PCDH15: variants seen among roughly 807,000 people sequenced by gnomAD.
PCDH15 encodes the protein protocadherin related 15.
In PCDH15, 129 loss-of-function variants were observed where a neutral mutation model predicts 178.5. The ratio of observed to expected loss-of-function variants is 0.72; its 90% CI spans 0.63 to 0.84. The LOEUF is 0.84. Ranked by LOEUF, PCDH15 falls within the 40% of genes least tolerant of loss-of-function variation. The pLI, the probability that PCDH15 is intolerant of heterozygous loss-of-function variation, is 0.00. For synonymous variants in PCDH15, 800 were observed against 732.0 expected (o/e 1.09, Z -1.50); for missense variants, 2,230 against 2,099.9 (o/e 1.06, Z -1.21).
At chr10:55,031,433 C>T (rs1210845186) in intron 2 of PCDH15, among the ~76,000 whole-genome samples, 1 of 152,062 alleles carries the variant, frequency 6.6e-6, no homozygotes, top group South Asian at 2.1e-4. Flanking sequence ...TAAAAGGAAG[C>T]AGGGTAGGCT....
intron 2 of PCDH15, among the ~76,000 whole-genome samples, chr10:55,441,301 T>C (rs956269449): frequency 2.6e-5 from 4 of 152,202 alleles, no homozygotes; most frequent in Non-Finnish European, 5.9e-5. Flanking sequence ...TCCAAACTTG[T>C]CTTTGTTCTT....
chr10:55,488,398 A>T (rs983561690), intron 2 of PCDH15, among the ~76,000 whole-genome samples: 6 of 151,592 alleles, frequency 4.0e-5, no homozygotes, highest in African/African-American at 1.5e-4. Flanking sequence ...TTAGCAGAAC[A>T]TAGCCTATTA....
At chr10:54,454,924 C>A (rs906240299) in intron 3 of PCDH15, among the ~76,000 whole-genome samples, 5 of 152,100 alleles carry the variant, frequency 3.3e-5, no homozygotes, top group Non-Finnish European at 7.4e-5. Context: ...TTCCCATAAT[C>A]CCCATGTGTT....
At chr10:53,913,401 C>A (rs895983338) in intron 25 of PCDH15, among the ~76,000 whole-genome samples, 24 of 152,026 alleles carry the variant, frequency 1.6e-4, no homozygotes, top group African/African-American at 5.8e-4. Context: ...AAAGCAATGG[C>A]ACCGAAAACC....
At chr10:54,534,229 C>A (rs1180307643) in intron 2 of PCDH15, among the ~76,000 whole-genome samples, 3 of 151,940 alleles carry the variant, frequency 2.0e-5, no homozygotes, top group Admixed American at 6.6e-5. Context: ...AGTAAATAAA[C>A]CCTCAGCTCT....
chr10:54,777,400 T>C (rs941080461), intron 1 of PCDH15, among the ~76,000 whole-genome samples: 3 of 152,082 alleles, frequency 2.0e-5, no homozygotes, highest in Admixed American at 2.0e-4. Flanking sequence ...GTGGTATCCA[T>C]TTGAAAAAGG....
intron 9 of PCDH15, among the ~76,000 whole-genome samples, chr10:54,222,779 C>A (rs909555480): frequency 6.6e-6 from 1 of 151,640 alleles, no homozygotes; most frequent in African/African-American, 2.4e-5. Flanking sequence ...GTTTATAAAT[C>A]TGTAATAATT....
intron 2 of PCDH15, among the ~76,000 whole-genome samples, chr10:55,618,932 C>T (rs901754946): frequency 6.6e-6 from 1 of 152,028 alleles, no homozygotes; most frequent in African/African-American, 2.4e-5. Flanking sequence ...TAAGAAAGAA[C>T]TGTGAATGCA....
At chr10:54,359,123 C>A (rs1945559200) in intron 5 of PCDH15, among the ~76,000 whole-genome samples, 1 of 151,750 alleles carries the variant, frequency 6.6e-6, no homozygotes, top group Non-Finnish European at 1.5e-5. Flanking sequence ...AACTAACCTG[C>A]ACATTGTGCA....
intron 2 of PCDH15, among the ~76,000 whole-genome samples, chr10:54,939,575 CTTT>C (rs1410802010): frequency 7.1e-6 from 1 of 141,224 alleles, no homozygotes; most frequent in African/African-American, 2.6e-5. Flanking sequence ...CATTTAAAAT[CTTT>C]TTGCATTTCT....
chr10:53,869,528 T>C (rs2079683402), intron 26 of PCDH15, among the ~76,000 whole-genome samples: 1 of 152,202 alleles, frequency 6.6e-6, no homozygotes, highest in African/African-American at 2.4e-5. Context: ...ACAAACTTTT[T>C]ATTATTAATG....
chr10:53,871,632 A>G (rs2079864131), intron 26 of PCDH15, among the ~76,000 whole-genome samples: 1 of 152,104 alleles, frequency 6.6e-6, no homozygotes, highest in South Asian at 2.1e-4. Context: ...GACCCTTATT[A>G]CTTCAGACAT....
At chr10:54,357,944 G>A (rs1589014424) in intron 5 of PCDH15, among the ~76,000 whole-genome samples, 2 of 151,928 alleles carry the variant, frequency 1.3e-5, no homozygotes, top group South Asian at 4.1e-4. Context: ...ATGGTGCTGG[G>A]AAAACTGGCT....
At chr10:54,424,898 T>C (rs1451100902) in intron 3 of PCDH15, among the ~76,000 whole-genome samples, 3 of 145,686 alleles carry the variant, frequency 2.1e-5, no homozygotes, top group East Asian at 4.4e-4. Context: ...TTAGGAGATA[T>C]ACCTAATGTA....
chr10:55,351,423 C>T (rs1378696656), intron 2 of PCDH15, among the ~76,000 whole-genome samples: 1 of 151,986 alleles, frequency 6.6e-6, no homozygotes, highest in African/African-American at 2.4e-5. Context: ...ATAAGTGGGA[C>T]ATAATCTGTG....
intron 1 of PCDH15, among the ~76,000 whole-genome samples, chr10:55,217,980 T>A (rs1369535537): frequency 6.6e-6 from 1 of 152,030 alleles, no homozygotes; most frequent in Non-Finnish European, 1.5e-5. Flanking sequence ...ATGATCAGTA[T>A]GCAGTGCCTT....
chr10:54,631,440 G>T (rs2093697560), intron 2 of PCDH15, among the ~76,000 whole-genome samples: 1 of 152,188 alleles, frequency 6.6e-6, no homozygotes. Flanking sequence ...AAAAGGGAAT[G>T]GTTATACACT....
intron 1 of PCDH15, among the ~76,000 whole-genome samples, chr10:54,675,465 T>G (rs1445872671): frequency 2.6e-5 from 4 of 151,366 alleles, no homozygotes; most frequent in Non-Finnish European, 5.9e-5. Context: ...ATGTTGTTTT[T>G]TTTTTTTTTT....
At chr10:53,823,832 A>C (rs2076485695) in intron 32 of PCDH15, 3 of 456,036 alleles carry the variant, frequency 6.6e-6, no homozygotes, top group African/African-American at 2.0e-5. Flanking sequence ...CTCCTCTCTG[A>C]GCCATCATGT....
Sources: allele counts gnomAD v4.1 joint callset (sites outside exome capture counted in the v4.1 genomes callset), GRCh38; gene constraint gnomAD v4.1.1; transcripts MANE v1.5; gene names NCBI Gene and HGNC (gene_info 2026-07-23, HGNC 2026-07-21).